AFF2: variants seen among roughly 807,000 people sequenced by gnomAD.
AFF2 encodes AF4/FMR2 family member 2.
A neutral mutation model predicts 76.9 loss-of-function variants in AFF2; 14 were observed. The observed-to-expected ratio is 0.18, with a 90% CI of 0.12 to 0.28. AFF2 has a LOEUF of 0.28. AFF2 is among the 10% of genes least tolerant of loss of function. The probability of loss-of-function intolerance (pLI) is 1.00; values close to 1 mark genes in which losing one functional copy is unlikely to be tolerated. For synonymous variants in AFF2, 398 were observed against 366.7 expected (o/e 1.09, Z -0.98); for missense variants, 868 against 1,001.1 (o/e 0.87, Z 1.79).
intron 1 of AFF2, among the ~76,000 whole-genome samples, chrX:148,593,166 T>C (rs1270763346): frequency 8.9e-6 from 1 of 112,262 alleles, no homozygotes; most frequent in African/African-American, 3.2e-5. Context: ...TCTGAGAAGC[T>C]GTGCATTCTC....
intron 16 of AFF2, among the ~76,000 whole-genome samples, chrX:148,975,155 A>T (rs1176139952): frequency 8.9e-6 from 1 of 112,309 alleles, no homozygotes; most frequent in Non-Finnish European, 1.9e-5. Flanking sequence ...TTGTAAATTG[A>T]GGGCAATTTG....
intron 1 of AFF2, among the ~76,000 whole-genome samples, chrX:148,634,085 C>G (rs1466936072): frequency 9.0e-6 from 1 of 111,685 alleles, no homozygotes; most frequent in Non-Finnish European, 1.9e-5. Flanking sequence ...AAAATGATGC[C>G]TTTGATCTCA....
intron 3 of AFF2, among the ~76,000 whole-genome samples, chrX:148,725,368 G>A (rs2055143839): frequency 9.0e-6 from 1 of 110,810 alleles, no homozygotes; most frequent in Admixed American, 9.6e-5. Flanking sequence ...CCAGGATTTG[G>A]TCTGGAAGAT....
rs2069971652 is a variant in AFF2 at position 148,795,835 on chromosome X, ATATATATATATATAT to A, written c.1042-14040_1042-14026del. On this transcript the variant is annotated intron_variant, in intron 3 of 20. Transcript: ENST00000370460. Reference sequence around the variant, plus strand: ...AAAAAAAAAAAAAAAAAAAAAAAATATATATATATATATATATATATATATATATATATATATACA... The same window carrying A: ...AAAAAAAAAAAAAAAAAAAAAAAATAATATATATATATATATATATATACA... 8.6e-4 allele frequency among the ~76,000 whole-genome samples: 10 copies of A among 11,594 alleles called. 2 individuals are homozygous for A. The highest frequency in any genetic ancestry group is 3.6e-3 in the African/African-American group (10 of 2,809). 10.1% of individuals were successfully genotyped at this position (11,594 alleles called of 115,157 possible). A position where few individuals can be genotyped will look rare whatever the true frequency, so the allele number is the denominator to read the frequency against.
intron 9 of AFF2, among the ~76,000 whole-genome samples, chrX:148,930,738 CTA>C (rs1333384118): frequency 1.8e-5 from 2 of 112,350 alleles, no homozygotes; most frequent in African/African-American, 6.5e-5. Flanking sequence ...TATCACCTTG[CTA>C]ATCACTGACC....
chrX:148,609,179 T>A (rs782731333), intron 1 of AFF2, among the ~76,000 whole-genome samples: 2 of 111,524 alleles, frequency 1.8e-5, no homozygotes, highest in South Asian at 7.5e-4. Flanking sequence ...TGAGGGTCTG[T>A]GAGAGCTTAA....
chrX:148,556,003 G>A (rs1557239621), intron 1 of AFF2, among the ~76,000 whole-genome samples: 5 of 111,921 alleles, frequency 4.5e-5, no homozygotes, highest in African/African-American at 1.6e-4. Context: ...TAGCTGTGGT[G>A]GTTTATGGCC....
At chrX:148,852,838 G>A (rs781955298) in intron 7 of AFF2, among the ~76,000 whole-genome samples, 14 of 112,225 alleles carry the variant, frequency 1.2e-4, no homozygotes, top group Non-Finnish European at 2.3e-4. Context: ...CACAGCCAAT[G>A]CTGGTAGTCA....
chrX:148,821,539 C>T (rs1480388841), intron 4 of AFF2, among the ~76,000 whole-genome samples: 3 of 110,830 alleles, frequency 2.7e-5, no homozygotes, highest in Non-Finnish European at 5.7e-5. Context: ...CCCCCTTTAT[C>T]AAATGTGCCA....
intron 1 of AFF2, among the ~76,000 whole-genome samples, chrX:148,554,357 A>C (rs186281164): frequency 1.5e-3 from 164 of 111,419 alleles, no homozygotes; most frequent in African/African-American, 5.0e-3. Flanking sequence ...TTAAATTAAC[A>C]ATATTTATTA....
intron 3 of AFF2, among the ~76,000 whole-genome samples, chrX:148,747,525 G>A (rs1008146799): frequency 9.0e-6 from 1 of 111,619 alleles, no homozygotes; most frequent in African/African-American, 3.2e-5. Flanking sequence ...GAAAGTTTTT[G>A]GTTTTTGATT....
At chrX:148,536,199 A>G (rs2052784404) in intron 1 of AFF2, among the ~76,000 whole-genome samples, 1 of 108,742 alleles carries the variant, frequency 9.2e-6, no homozygotes, top group South Asian at 4.1e-4. Context: ...GACAAGAGCA[A>G]GACTCTGTCT....
intron 16 of AFF2, among the ~76,000 whole-genome samples, chrX:148,974,076 T>A (rs141323481): frequency 0.013 from 1,401 of 111,554 alleles, 17 homozygotes; most frequent in African/African-American, 0.043. Flanking sequence ...GAGTAGACTT[T>A]CCATGCATCT....
intron 3 of AFF2, among the ~76,000 whole-genome samples, chrX:148,686,303 G>A (rs782733545): frequency 9.0e-6 from 1 of 111,681 alleles, no homozygotes; most frequent in Non-Finnish European, 1.9e-5. Context: ...TGAATGAAAG[G>A]CCCAGGAAGA....
chrX:148,664,566 C>T lies in AFF2; in HGVS notation c.1041+1798C>T, dbSNP rs188867290. ...GGCTCCTCTAGCACCTTCTATATGC[C>T]CTGATTGGCACCGACTCCATTGTAT... On this transcript the variant is annotated intron_variant, in intron 3 of 20. Transcript: ENST00000370460. Among the ~76,000 whole-genome samples, 6 of 111,659 alleles carry T rather than the reference C, an allele frequency of 5.4e-5. No homozygotes were observed. The Admixed American group carries it at 5.7e-4, about 11-fold the overall frequency.
chrX:148,695,939 G>A (rs1179923604), intron 3 of AFF2, among the ~76,000 whole-genome samples: 1 of 112,045 alleles, frequency 8.9e-6, no homozygotes, highest in Non-Finnish European at 1.9e-5. Context: ...TAACATCATG[G>A]AGTTATTTGA....
At chrX:148,894,467 A>T (rs1214885067) in intron 8 of AFF2, among the ~76,000 whole-genome samples, 2 of 112,113 alleles carry the variant, frequency 1.8e-5, no homozygotes, top group Non-Finnish European at 3.8e-5. Flanking sequence ...CAAATTTGAG[A>T]TTAACCAATC....
intron 8 of AFF2, among the ~76,000 whole-genome samples, chrX:148,888,818 C>T (rs980694274): frequency 9.0e-6 from 1 of 111,207 alleles, no homozygotes; most frequent in Non-Finnish European, 1.9e-5. Context: ...AAAAGAATTG[C>T]GGAGTCATTC....
intron 3 of AFF2, among the ~76,000 whole-genome samples, chrX:148,750,559 C>A (rs782195556): frequency 5.4e-5 from 6 of 111,247 alleles, no homozygotes; most frequent in Non-Finnish European, 1.1e-4. Context: ...ACTGTGCCAT[C>A]TCTCCCAGAC....
Sources: gnomAD v4.1 joint callset for allele counts (sites outside exome capture counted in the v4.1 genomes callset) on GRCh38, gnomAD v4.1.1 for gene constraint, MANE v1.5 for transcripts, NCBI Gene and HGNC (gene_info 2026-07-23, HGNC 2026-07-21) for gene names.